Variants in PIBF1 observed in about 807,000 individuals in gnomAD.
PIBF1 encodes progesterone-induced-blocking factor 1.
PIBF1 carries 90 observed loss-of-function variants against 112.5 expected under a neutral mutation model. The ratio of observed to expected loss-of-function variants is 0.80; its 90% CI spans 0.67 to 0.95. PIBF1 has a LOEUF of 0.95. PIBF1 is among the 40% of genes least tolerant of loss of function. The probability of loss-of-function intolerance (pLI) is 0.00; values close to 1 mark genes in which losing one functional copy is unlikely to be tolerated. For missense variants in PIBF1, 915 were observed against 852.3 expected (o/e 1.07, Z -0.92); for synonymous variants, 301 against 288.6 (o/e 1.04, Z -0.44).
intron 16 of PIBF1, among the ~76,000 whole-genome samples, chr13:72,985,182 A>C (rs115749170): frequency 0.016 from 2,492 of 152,056 alleles, 41 homozygotes; most frequent in African/African-American, 0.029. Flanking sequence ...CACACACACA[A>C]AAAAAAACTA....
At chr13:72,841,626 T>G (rs1381153689) in intron 9 of PIBF1, among the ~76,000 whole-genome samples, 1 of 151,808 alleles carries the variant, frequency 6.6e-6, no homozygotes, top group Non-Finnish European at 1.5e-5. Context: ...CAAAAAAAAT[T>G]AGCCAGGCGT....
chr13:72,837,692 A>G (rs1283607547), intron 9 of PIBF1, among the ~76,000 whole-genome samples: 1 of 152,032 alleles, frequency 6.6e-6, no homozygotes, highest in Non-Finnish European at 1.5e-5. Context: ...TTAGACTTTT[A>G]TTATCTATGT....
At chr13:72,882,702 G>A (rs2039691380) in intron 10 of PIBF1, among the ~76,000 whole-genome samples, 1 of 152,202 alleles carries the variant, frequency 6.6e-6, no homozygotes. Flanking sequence ...CAATATCACT[G>A]ATCATCAGAG....
At chr13:72,895,145 A>G in intron 11 of PIBF1, among the ~76,000 whole-genome samples, 1 of 152,136 alleles carries the variant, frequency 6.6e-6, no homozygotes, top group Admixed American at 6.5e-5. Context: ...AAGTAAATAC[A>G]GATGAAATTA....
At chr13:72,918,918 G>T (rs933653084) in intron 13 of PIBF1, among the ~76,000 whole-genome samples, 1 of 151,822 alleles carries the variant, frequency 6.6e-6, no homozygotes, top group African/African-American at 2.4e-5. Context: ...TGGCCAGGCT[G>T]GTCTCAAACT....
intron 17 of PIBF1, among the ~76,000 whole-genome samples, chr13:73,001,582 C>CTGTTTTTTTTTTT (rs2043867544): frequency 3.4e-5 from 1 of 29,160 alleles, no homozygotes; most frequent in East Asian, 1.6e-3. Flanking sequence ...AAGAGCTTGA[C>CTGTTTTTTTTTTT]TTTTTTTTTT....
intron 12 of PIBF1, 23 bp from the exon 13 acceptor site, chr13:72,917,052 AT>A (rs2041127282): frequency 5.6e-6 from 8 of 1,416,748 alleles, no homozygotes; most frequent in Non-Finnish European, 7.8e-6. Context: ...GTTATTTCAC[AT>A]TATACACTTT....
In PIBF1 at chr13:72,850,369, T is replaced by C. The variant is rs1566356406; in HGVS notation, c.1224-3688T>C. On this transcript the variant is annotated intron_variant, in intron 9 of 17. Coordinates refer to ENST00000326291, the MANE Select transcript of PIBF1 (RefSeq NM_006346.4). ...CCTCTCTTACTCCAGTAAAGAATAA[T>C]CAACTCCTTCTCTTTGTGGCCATAG... Among the ~76,000 whole-genome samples the C allele has an allele frequency of 3.3e-5, 5 of 152,256 alleles. No individual in the cohort carries two copies. The South Asian group carries it at 1.0e-3, about 31-fold the overall frequency.
At chr13:72,985,711 A>G (rs2043267513) in intron 16 of PIBF1, among the ~76,000 whole-genome samples, 1 of 152,208 alleles carries the variant, frequency 6.6e-6, no homozygotes. Flanking sequence ...AGAAGGCTGG[A>G]ATACAACATG....
At chr13:72,886,658 T>C (rs2039870298) in intron 10 of PIBF1, among the ~76,000 whole-genome samples, 1 of 152,042 alleles carries the variant, frequency 6.6e-6, no homozygotes, top group Non-Finnish European at 1.5e-5. Flanking sequence ...TTGATCATGA[T>C]ATGATAGATG....
intron 1 of PIBF1, among the ~76,000 whole-genome samples, 196 bp downstream of exon 1, chr13:72,782,545 C>A (rs1036243259): frequency 1.3e-5 from 2 of 152,116 alleles, no homozygotes; most frequent in Admixed American, 6.5e-5. Context: ...GGAGGCCGAT[C>A]TTAGTATAGT....
chr13:72,786,120 T>A (rs1200225677), intron 2 of PIBF1, among the ~76,000 whole-genome samples: 1 of 152,252 alleles, frequency 6.6e-6, no homozygotes, highest in Non-Finnish European at 1.5e-5. Context: ...AGCTCATAGA[T>A]GCTTGGTGTA....
In PIBF1 at chr13:72,821,866, A is replaced by T. The variant is rs2138124164; in HGVS notation, c.690A>T (p.Arg230=). The part of the protein sequence containing the change: ...KQLTETYEED[R]KNYSEVQIRC... ...GTTTATAGACATATGAGGAAGATCGAAAAAACTACTCTGAAGTTCAAATTA... is the reference window on the plus strand; with the variant it reads ...GTTTATAGACATATGAGGAAGATCGTAAAAACTACTCTGAAGTTCAAATTA... Residue 230 remains arginine (R), a synonymous_variant, in exon 6 of 18, where the codon CGA becomes CGT. Coordinates refer to ENST00000326291, the MANE Select transcript of PIBF1 (RefSeq NM_006346.4). 4 of 1,612,130 alleles carry T rather than the reference A, an allele frequency of 2.5e-6. No individual in the cohort carries two copies. The East Asian group carries it at 8.9e-5, about 36-fold the overall frequency.
chr13:72,901,487 G>A (rs9530111), intron 11 of PIBF1, among the ~76,000 whole-genome samples: 15,932 of 152,144 alleles, frequency 0.1, 1,103 homozygotes, highest in Non-Finnish European at 0.15. Context: ...ACAGGAGTTC[G>A]AGATCAGCCT....
chr13:72,955,399 G>A (rs533106506), intron 14 of PIBF1, among the ~76,000 whole-genome samples: 2 of 151,716 alleles, frequency 1.3e-5, no homozygotes, highest in Admixed American at 1.3e-4. Flanking sequence ...GTGTGTGTGT[G>A]TATGTGCACA....
intron 13 of PIBF1, 72 bp downstream of exon 13, chr13:72,917,238 T>C: frequency 2.3e-6 from 2 of 863,930 alleles, no homozygotes; most frequent in South Asian, 4.2e-5. Context: ...TTTCTGATAA[T>C]GTGCTGAGTT....
intron 14 of PIBF1, among the ~76,000 whole-genome samples, chr13:72,943,143 G>C (rs2042056455): frequency 6.6e-6 from 1 of 152,006 alleles, no homozygotes; most frequent in African/African-American, 2.4e-5. Context: ...TAATTCATCA[G>C]CCTATCAAAA....
chr13:72,828,699 C>T (rs973032192), intron 8 of PIBF1, among the ~76,000 whole-genome samples: 5 of 152,100 alleles, frequency 3.3e-5, no homozygotes, highest in African/African-American at 4.8e-5. Context: ...ACATTTGGGT[C>T]GGTTCCAAGT....
At chr13:72,958,512 A>G (rs1191304048) in intron 14 of PIBF1, among the ~76,000 whole-genome samples, 1 of 152,048 alleles carries the variant, frequency 6.6e-6, no homozygotes, top group Admixed American at 6.6e-5. Flanking sequence ...ATAATCAACT[A>G]CCATGTCCTT....
Sources: allele counts gnomAD v4.1 joint callset (sites outside exome capture counted in the v4.1 genomes callset), GRCh38; gene constraint gnomAD v4.1.1; transcripts MANE v1.5; gene names NCBI Gene and HGNC (gene_info 2026-07-23, HGNC 2026-07-21).